Variants in CHRNA7 observed in about 807,000 individuals in gnomAD.
The protein encoded by CHRNA7 is cholinergic receptor nicotinic alpha 7 subunit, also known as neuronal acetylcholine receptor subunit alpha-7.
CHRNA7 carries 17 observed loss-of-function variants against 48.0 expected under a neutral mutation model. That is an observed-to-expected ratio of 0.35 (90% CI 0.24 to 0.53). The LOEUF is 0.53. Ranked by LOEUF, CHRNA7 falls within the 20% of genes least tolerant of loss-of-function variation. The pLI is 0.92. For synonymous variants in CHRNA7, 75 were observed against 242.3 expected (o/e 0.31, Z 6.41); for missense variants, 155 against 577.7 (o/e 0.27, Z 7.50).
intron 2 of CHRNA7, among the ~76,000 whole-genome samples, chr15:32,088,342 T>C (rs750867516): frequency 1.3e-5 from 2 of 152,224 alleles, no homozygotes; most frequent in Non-Finnish European, 2.9e-5. Flanking sequence ...TCACCTGTTA[T>C]AAGACATCCT....
At chr15:32,166,639 G>T (rs2052169317) in intron 9 of CHRNA7, 1 of 150,604 alleles carries the variant, frequency 6.6e-6, no homozygotes, top group Non-Finnish European at 1.5e-5. Context: ...GTTACTGATG[G>T]AATTTCCCCA....
intron 4 of CHRNA7, among the ~76,000 whole-genome samples, chr15:32,120,417 G>GTTTTCTTTTCTTTTCTTTTC (rs61075775): frequency 6.6e-6 from 1 of 151,768 alleles, no homozygotes; most frequent in African/African-American, 2.4e-5. Flanking sequence ...CTGCTGTGGG[G>GTTTTCTTTTCTTTTCTTTTC]TTTTCTTTTC....
At position 32,105,795 on chromosome 15, in the gene CHRNA7, G is replaced by A. The variant is rs116708112; in HGVS notation, c.240+4448G>A. Among the ~76,000 whole-genome samples the A allele has an allele frequency of 2.2e-3, 334 of 152,290 alleles. 2 individuals carry two copies. Among genetic ancestry groups the A allele is most frequent in the African/African-American group, 7.6e-3 (318 of 41,570 alleles). ...AGAAGGTGTGCCCTCATAAAGCTGG[G>A]TGATAACATTTATCTGGAAAGCGGC... is the stretch of plus-strand genomic sequence containing the variant. On this transcript the variant is annotated intron_variant, in intron 3 of 9. Coordinates refer to ENST00000306901, the MANE Select transcript of CHRNA7 (RefSeq NM_000746.6).
At chr15:32,065,597 C>G (rs2049951164) in intron 2 of CHRNA7, among the ~76,000 whole-genome samples, 1 of 152,240 alleles carries the variant, frequency 6.6e-6, no homozygotes, top group African/African-American at 2.4e-5. Flanking sequence ...CCAAAAAACA[C>G]ATGTAAGGCT....
At chr15:32,098,205 G>T (rs929295402) in intron 2 of CHRNA7, among the ~76,000 whole-genome samples, 4 of 124,796 alleles carry the variant, frequency 3.2e-5, no homozygotes, top group African/African-American at 1.1e-4. Flanking sequence ...CAGGTCCTCT[G>T]TGCAGAAGCC....
chr15:32,084,717 C>T (rs748051554), intron 2 of CHRNA7, among the ~76,000 whole-genome samples: 3 of 152,228 alleles, frequency 2.0e-5, no homozygotes, highest in African/African-American at 4.8e-5. Flanking sequence ...CTACTTTACT[C>T]GAGTGCAGCC....
At chr15:32,080,534 T>C (rs891977754) in intron 2 of CHRNA7, among the ~76,000 whole-genome samples, 5 of 151,838 alleles carry the variant, frequency 3.3e-5, no homozygotes, top group African/African-American at 1.2e-4. Flanking sequence ...AACAAACATA[T>C]GAAAAAAAAG....
chr15:32,150,127 C>T (rs1227374906), intron 4 of CHRNA7, among the ~76,000 whole-genome samples: 1 of 152,178 alleles, frequency 6.6e-6, no homozygotes, highest in Non-Finnish European at 1.5e-5. Context: ...ACATAGCTCA[C>T]TGCAGCCTCA....
At chr15:32,048,620 G>A (rs938067458) in intron 2 of CHRNA7, among the ~76,000 whole-genome samples, 2 of 151,876 alleles carry the variant, frequency 1.3e-5, no homozygotes, top group African/African-American at 4.8e-5. Context: ...CAAAAAACCA[G>A]CTCCTGGATT....
intron 2 of CHRNA7, among the ~76,000 whole-genome samples, chr15:32,066,177 A>G (rs1475259580): frequency 6.6e-6 from 1 of 152,272 alleles, no homozygotes; most frequent in Non-Finnish European, 1.5e-5. Context: ...ACAACAAAAG[A>G]TACAGACTTT....
chr15:32,051,612 A>G (rs1325271642), intron 2 of CHRNA7, among the ~76,000 whole-genome samples: 2 of 152,070 alleles, frequency 1.3e-5, no homozygotes, highest in Non-Finnish European at 2.9e-5. Context: ...CGAGTGAGGC[A>G]ATGCCTCGCC....
intron 1 of CHRNA7, 95 bp downstream of exon 1, chr15:32,030,744 A>G: frequency 6.6e-7 from 1 of 1,518,970 alleles, no homozygotes; most frequent in Admixed American, 2.1e-5. Context: ...CAGGTTTGGG[A>G]TCTCCCCGCC....
At chr15:32,143,246 A>T (rs921180696) in intron 4 of CHRNA7, among the ~76,000 whole-genome samples, 2 of 152,158 alleles carry the variant, frequency 1.3e-5, no homozygotes, top group African/African-American at 4.8e-5. Flanking sequence ...TGAGTTTCTT[A>T]ATCTTGAGTT....
At chr15:32,140,735 G>A (rs1435384129) in intron 4 of CHRNA7, among the ~76,000 whole-genome samples, 1 of 152,178 alleles carries the variant, frequency 6.6e-6, no homozygotes, top group East Asian at 1.9e-4. Flanking sequence ...TTTGAGAAGT[G>A]TCTCTTCATA....
intron 2 of CHRNA7, among the ~76,000 whole-genome samples, chr15:32,052,816 A>G (rs1377946215): frequency 6.6e-6 from 1 of 152,232 alleles, no homozygotes; most frequent in African/African-American, 2.4e-5. Flanking sequence ...TTAATAGTAT[A>G]GTAGAGAAAT....
At chr15:32,140,840 G>T (rs1293216332) in intron 4 of CHRNA7, among the ~76,000 whole-genome samples, 1 of 152,198 alleles carries the variant, frequency 6.6e-6, no homozygotes, top group African/African-American at 2.4e-5. Flanking sequence ...CAGATGGGTA[G>T]ATTGCAAAAA....
rs1198700207 is a variant in CHRNA7 at position 32,129,007 on chromosome 15, A to AT, written c.350+17109dup. On this transcript the variant is annotated intron_variant, in intron 4 of 9. Coordinates refer to ENST00000306901, the MANE Select transcript of CHRNA7 (RefSeq NM_000746.6). ...TTACTTGCTTTTTCTGCATCAATTG[A>AT]TATAATCAGGTGATTTTTCTTCCTT... Among the ~76,000 whole-genome samples, 10 of 151,994 alleles carry AT rather than the reference A, an allele frequency of 6.6e-5. No homozygotes were observed. The East Asian group carries it at 1.7e-3, about 26-fold the overall frequency.
intron 2 of CHRNA7, among the ~76,000 whole-genome samples, chr15:32,097,186 G>C (rs1256429747): frequency 1.3e-5 from 2 of 152,174 alleles, no homozygotes; most frequent in African/African-American, 2.4e-5. Context: ...GGAGCCCCCA[G>C]GGTCTTTTGC....
At chr15:32,067,019 A>G (rs2049977699) in intron 2 of CHRNA7, among the ~76,000 whole-genome samples, 2 of 152,348 alleles carry the variant, frequency 1.3e-5, no homozygotes, top group South Asian at 4.1e-4. Context: ...AAAATGAACT[A>G]AGCATCAGAA....
Sources: gnomAD v4.1 joint callset for allele counts (sites outside exome capture counted in the v4.1 genomes callset) on GRCh38, gnomAD v4.1.1 for gene constraint, MANE v1.5 for transcripts, NCBI Gene and HGNC (gene_info 2026-07-23, HGNC 2026-07-21) for gene names.